The following RFX7 variants were observed in gnomAD, a reference collection of about 807,000 sequenced individuals.
RFX7 encodes the protein DNA-binding protein RFX7.
Under a neutral mutation model 111.8 loss-of-function variants are expected in RFX7, and 26 were observed. The ratio of observed to expected loss-of-function variants is 0.23; its 90% confidence interval spans 0.17 to 0.32. The LOEUF is 0.32. Among genes scored for constraint, RFX7 ranks in the 10% least tolerant of loss-of-function variants. The pLI is 1.00. For synonymous variants in RFX7, 624 were observed against 624.4 expected (o/e 1.00, Z 0.01); for missense variants, 1,573 against 1,772.9 (o/e 0.89, Z 2.02).
chr15:56,121,943 A>G (rs1396326139), intron 5 of RFX7, among the ~76,000 whole-genome samples: 2 of 152,074 alleles, frequency 1.3e-5, no homozygotes, highest in Non-Finnish European at 2.9e-5. Context: ...AATTTATTTG[A>G]GCTCCCTCAA....
At chr15:56,226,683 A>G (rs2043487956) in intron 2 of RFX7, among the ~76,000 whole-genome samples, 1 of 152,214 alleles carries the variant, frequency 6.6e-6, no homozygotes, top group South Asian at 2.1e-4. Flanking sequence ...AAAATTGTAA[A>G]TACTTAAGCA....
rs546734974 is a variant in RFX7 at position 56,141,719 on chromosome 15, T to C, written c.401+1059A>G. 4.2e-4 allele frequency among the ~76,000 whole-genome samples: 58 copies of C among 137,050 alleles called. No individual in the cohort carries two copies. The South Asian group carries it at 0.012, about 29-fold the overall frequency. The allele number at this position is 137,050 out of a possible 152,430, so 89.9% of individuals were successfully genotyped here. On this transcript the variant is annotated intron_variant, in intron 5 of 9. Transcript: ENST00000559447. ...GGGCAAGGGCTGTGACTGTTTACAA[T>C]TGTATCCTGAGAACTTATCACAGGG... is the stretch of plus-strand genomic sequence containing the variant.
intron 2 of RFX7, among the ~76,000 whole-genome samples, chr15:56,190,145 A>G (rs987604041): frequency 1.3e-5 from 2 of 152,214 alleles, no homozygotes; most frequent in Admixed American, 1.3e-4. Context: ...AAATTAATCC[A>G]TGGTAAAGGA....
intron 2 of RFX7, among the ~76,000 whole-genome samples, chr15:56,222,488 C>T (rs1320106671): frequency 2.0e-5 from 3 of 152,174 alleles, no homozygotes; most frequent in East Asian, 1.9e-4. Flanking sequence ...TCCAATTACA[C>T]ATATATTGGC....
chr15:56,239,381 G>A (rs1274441454), intron 2 of RFX7, among the ~76,000 whole-genome samples: 2 of 151,888 alleles, frequency 1.3e-5, no homozygotes, highest in East Asian at 3.9e-4. Flanking sequence ...CGATTCTCCT[G>A]CCTCAGCCTC....
At chr15:56,134,247 G>A (rs1156995267) in intron 5 of RFX7, among the ~76,000 whole-genome samples, 1 of 152,088 alleles carries the variant, frequency 6.6e-6, no homozygotes, top group Non-Finnish European at 1.5e-5. Flanking sequence ...ATAAAAAGAG[G>A]ATAGGAACAT....
intron 2 of RFX7, among the ~76,000 whole-genome samples, chr15:56,232,299 T>C (rs2043568517): frequency 6.6e-6 from 1 of 152,190 alleles, no homozygotes; most frequent in Non-Finnish European, 1.5e-5. Context: ...TCCAGCTGTT[T>C]CCATACATCC....
At chr15:56,118,255 C>T (rs148523032) in intron 5 of RFX7, among the ~76,000 whole-genome samples, 1,961 of 152,146 alleles carry the variant, frequency 0.013, 40 homozygotes, top group African/African-American at 0.044. Context: ...TATCATCACC[C>T]TGTTGTGCTG....
chr15:56,154,573 G>T (rs1302852438), intron 3 of RFX7, among the ~76,000 whole-genome samples: 19 of 152,190 alleles, frequency 1.2e-4, no homozygotes, highest in Admixed American at 1.0e-3. Flanking sequence ...AAACTGGCTA[G>T]CCATATGTAG....
intron 2 of RFX7, among the ~76,000 whole-genome samples, chr15:56,224,621 A>G (rs1484393717): frequency 6.6e-6 from 1 of 152,106 alleles, no homozygotes; most frequent in African/African-American, 2.4e-5. Context: ...ATAGCCATTC[A>G]CATTTTCCCA....
chr15:56,102,086 C>A (rs2041761044), intron 7 of RFX7, 83 bp downstream of exon 7: 1 of 1,021,290 alleles, frequency 9.8e-7, no homozygotes, highest in Non-Finnish European at 1.5e-6. Context: ...TAGGCTTAAC[C>A]AAATGAGACT....
In RFX7 at chr15:56,094,234, C is replaced by A. The variant is rs191773270; in HGVS notation, c.3494G>T (p.Arg1165Leu). The A allele has an allele frequency of 1.1e-5, 17 of 1,613,938 alleles. No homozygotes were observed. The highest frequency in any genetic ancestry group is 1.4e-5 in the Non-Finnish European group (17 of 1,179,846). Residue 1165 changes from arginine (R) to leucine (L), a missense_variant, in exon 10 of 10, where the codon CGG becomes CTG. Physicochemically the swap from Arg to Leu is moderately radical, Grantham distance 102. Around this residue, in one of 7 missense-constraint regions of RFX7, gnomAD observed 411 missense variants for 478.1 expected, o/e 0.86. Coordinates refer to ENST00000559447, the MANE Select transcript of RFX7 (RefSeq NM_022841.7). ...NSSASSNFRC[R>L]SVSPAVHRQR... ...GCGATGAACAGCAGGGCTCACACTC[C>A]GGCATCTGAAGTTGCTGCTGGCAGA... is the stretch of plus-strand genomic sequence containing the variant.
At chr15:56,155,166 A>C (rs2042635799) in intron 3 of RFX7, among the ~76,000 whole-genome samples, 1 of 152,220 alleles carries the variant, frequency 6.6e-6, no homozygotes, top group Non-Finnish European at 1.5e-5. Context: ...GAACGCTTTT[A>C]CAGTGTTGGT....
chr15:56,211,073 C>T (rs530274866), intron 2 of RFX7, among the ~76,000 whole-genome samples: 7 of 151,900 alleles, frequency 4.6e-5, no homozygotes, highest in African/African-American at 1.7e-4. Flanking sequence ...TCTGCAAAAT[C>T]AGAAAAGAAA....
chr15:56,178,914 A>G (rs2042932714), intron 3 of RFX7: 1 of 155,150 alleles, frequency 6.4e-6, no homozygotes, highest in African/African-American at 2.4e-5. Context: ...TATCTCAACA[A>G]AACTAACCCA....
intron 5 of RFX7, among the ~76,000 whole-genome samples, chr15:56,127,122 C>A (rs2042154373): frequency 6.6e-6 from 1 of 151,914 alleles, no homozygotes; most frequent in African/African-American, 2.4e-5. Flanking sequence ...TTAAAAAAAA[C>A]TGAAATCACA....
At chr15:56,147,368 T>G (rs1264970233) in intron 3 of RFX7, among the ~76,000 whole-genome samples, 6 of 152,148 alleles carry the variant, frequency 3.9e-5, no homozygotes, top group African/African-American at 1.4e-4. Context: ...TTATATTAAA[T>G]ATCCAAAATA....
intron 5 of RFX7, among the ~76,000 whole-genome samples, chr15:56,126,489 C>A (rs1190429012): frequency 6.6e-6 from 1 of 152,086 alleles, no homozygotes; most frequent in African/African-American, 2.4e-5. Context: ...CCACCTGATA[C>A]AGAGGAACAA....
chr15:56,233,581 C>G (rs990149791), intron 2 of RFX7, among the ~76,000 whole-genome samples: 4 of 151,974 alleles, frequency 2.6e-5, no homozygotes, highest in African/African-American at 9.7e-5. Flanking sequence ...AAAGATGAAA[C>G]CAATGCTGCC....
Sources: gnomAD v4.1 joint callset for allele counts (sites outside exome capture counted in the v4.1 genomes callset) on GRCh38, gnomAD v4.1.1 for gene constraint, gnomAD v4.1.1 regional missense constraint, MANE v1.5 for transcripts, NCBI Gene and HGNC (gene_info 2026-07-23, HGNC 2026-07-21) for gene names.